Variants in HS6ST2 observed in about 807,000 individuals in gnomAD.
HS6ST2 encodes heparan-sulfate 6-O-sulfotransferase 2.
In HS6ST2, 17 loss-of-function variants were observed where a neutral mutation model predicts 33.0. The ratio of observed to expected loss-of-function variants is 0.52; its 90% CI spans 0.35 to 0.77. HS6ST2 has a LOEUF of 0.77. HS6ST2 is among the 30% of genes least tolerant of loss of function. The pLI is 0.01. For synonymous variants in HS6ST2, 248 were observed against 237.1 expected (o/e 1.05, Z -0.42); for missense variants, 519 against 551.7 (o/e 0.94, Z 0.59).
intron 4 of HS6ST2, among the ~76,000 whole-genome samples, chrX:132,660,699 C>G (rs2063765087): frequency 9.0e-6 from 1 of 111,568 alleles, no homozygotes; most frequent in Non-Finnish European, 1.9e-5. Flanking sequence ...GAGGACGCTT[C>G]CATTGTTCAA....
intron 2 of HS6ST2, among the ~76,000 whole-genome samples, chrX:132,844,711 A>G (rs2065735529): frequency 8.9e-6 from 1 of 111,791 alleles, no homozygotes; most frequent in Non-Finnish European, 1.9e-5. Flanking sequence ...CTGATGGAGC[A>G]TAAACAAGCT....
chrX:132,653,936 C>T (rs1393908530), intron 4 of HS6ST2, among the ~76,000 whole-genome samples: 4 of 111,214 alleles, frequency 3.6e-5, no homozygotes, highest in Non-Finnish European at 3.8e-5. Context: ...TCAGGTCAAA[C>T]TCATAGAAGC....
At chrX:132,647,214 C>A (rs1466792829) in intron 4 of HS6ST2, among the ~76,000 whole-genome samples, 6 of 111,302 alleles carry the variant, frequency 5.4e-5, no homozygotes, top group African/African-American at 2.0e-4. Context: ...TGCATCCCCT[C>A]TTCTTTTTCA....
At chrX:132,939,550 G>A (rs1048250048) in intron 2 of HS6ST2, among the ~76,000 whole-genome samples, 1 of 110,882 alleles carries the variant, frequency 9.0e-6, no homozygotes, top group Non-Finnish European at 1.9e-5. Flanking sequence ...GCTTGAACAT[G>A]GGGGGCAGAG....
chrX:132,864,706 G>A (rs1397617986), intron 2 of HS6ST2, among the ~76,000 whole-genome samples: 2 of 110,380 alleles, frequency 1.8e-5, no homozygotes, highest in Non-Finnish European at 3.8e-5. Context: ...CCAGGAGAAC[G>A]TCCCCGACCT....
At chrX:132,853,594 C>T (rs927701442) in intron 2 of HS6ST2, among the ~76,000 whole-genome samples, 1 of 111,228 alleles carries the variant, frequency 9.0e-6, no homozygotes, top group Non-Finnish European at 1.9e-5. Flanking sequence ...CATTGTTACC[C>T]AGAAACATCA....
intron 2 of HS6ST2, among the ~76,000 whole-genome samples, chrX:132,739,650 G>A (rs1157437409): frequency 9.3e-6 from 1 of 107,256 alleles, no homozygotes; most frequent in Non-Finnish European, 1.9e-5. Context: ...AGGGGGCAGA[G>A]GTTGCAGTGA....
rs200631922 is a variant in HS6ST2 at position 132,668,768 on chromosome X, G to GTGC, written c.1067+342_1067+344dup. On this transcript the variant is annotated intron_variant, in intron 4 of 4. Coordinates refer to ENST00000370833, the MANE Select transcript of HS6ST2 (RefSeq NM_001394073.1). ...CATGGACTTTGTAAGTCATAAATCA[G>GTGC]TGCTGCTGCTGCTGCTGCTTTAATT... 5.4e-3 allele frequency among the ~76,000 whole-genome samples: 599 copies of GTGC among 111,413 alleles called. 6 individuals carry two copies. The highest frequency in any genetic ancestry group is 0.019 in the African/African-American group (571 of 30,678).
intron 2 of HS6ST2, among the ~76,000 whole-genome samples, chrX:132,877,370 T>C (rs5933228): frequency 0.29 from 32,932 of 111,669 alleles, 3,733 homozygotes; most frequent in Non-Finnish European, 0.33. Flanking sequence ...TCTTAAAGGT[T>C]TGCACGTATA....
chrX:132,866,465 C>A (rs1289502714), intron 2 of HS6ST2, among the ~76,000 whole-genome samples: 1 of 86,783 alleles, frequency 1.2e-5, no homozygotes, highest in Non-Finnish European at 2.2e-5. Flanking sequence ...GATGCAGGCT[C>A]TTTTTTGGTT....
chrX:132,733,188 G>A (rs2064475638), intron 2 of HS6ST2, among the ~76,000 whole-genome samples: 1 of 111,647 alleles, frequency 9.0e-6, no homozygotes, highest in Non-Finnish European at 1.9e-5. Context: ...CCTTTAGACA[G>A]CCCTGCAGTT....
At chrX:132,712,973 C>T (rs995398948) in intron 2 of HS6ST2, among the ~76,000 whole-genome samples, 1 of 110,899 alleles carries the variant, frequency 9.0e-6, no homozygotes, top group Non-Finnish European at 1.9e-5. Flanking sequence ...TGCAGTAAGC[C>T]GAGATTATGC....
intron 2 of HS6ST2, among the ~76,000 whole-genome samples, chrX:132,851,711 T>A (rs1328236451): frequency 3.6e-5 from 4 of 111,058 alleles, no homozygotes; most frequent in Non-Finnish European, 7.6e-5. Flanking sequence ...GGGGGGAAAG[T>A]GAAAAAAAAA....
Position 132,796,405 on chromosome X carries a change from T to TA in HS6ST2, c.948-87912dup, listed in dbSNP as rs748314104. Among the ~76,000 whole-genome samples, 4 of 112,444 alleles carry TA rather than the reference T, an allele frequency of 3.6e-5. No homozygotes were observed. In the South Asian group the frequency reaches 1.5e-3, roughly 42 times the overall value. On this transcript the variant is annotated intron_variant, in intron 2 of 4. Transcript: ENST00000370833. The stretch of plus-strand genomic sequence containing the variant: ...CACCATAACTGAGTCTGGCCTAGGG[T>TA]ATGCTCTAAGTACCTACCATATGCT...
chrX:132,649,848 A>T (rs1283954919), intron 4 of HS6ST2, among the ~76,000 whole-genome samples: 1 of 83,427 alleles, frequency 1.2e-5, no homozygotes, highest in African/African-American at 6.4e-5. Flanking sequence ...ACAGAGCGAG[A>T]CTCTATCTAA....
At chrX:132,777,793 CCTTT>C (rs1369275375) in intron 2 of HS6ST2, among the ~76,000 whole-genome samples, 2 of 110,756 alleles carry the variant, frequency 1.8e-5, no homozygotes, top group Non-Finnish European at 3.8e-5. Flanking sequence ...TGCTCCATGT[CCTTT>C]CTTCTTAAGA....
At chrX:132,709,727 C>A (rs1358998287) in intron 2 of HS6ST2, among the ~76,000 whole-genome samples, 1 of 108,426 alleles carries the variant, frequency 9.2e-6, no homozygotes, top group Non-Finnish European at 1.9e-5. Context: ...ATTTAGAGTC[C>A]CTACACAGTG....
intron 3 of HS6ST2, among the ~76,000 whole-genome samples, chrX:132,694,752 G>A (rs904247888): frequency 1.8e-5 from 2 of 111,351 alleles, no homozygotes; most frequent in Admixed American, 1.9e-4. Flanking sequence ...GCTGATGGTG[G>A]CGAGAGGCGG....
In HS6ST2 at chrX:132,958,265, G is replaced by C; in HGVS notation, c.338C>G (p.Ala113Gly). The part of the protein sequence containing the change: ...RRWDLGSLCR[A>G]LLTRGLAALG... ...GGCGGCCAGGCCCCGAGTGAGCAGG[G>C]CCCGGCAGAGGGAGCCCAGGTCCCA... The change falls in exon 1 of 5, where the codon GCC (alanine) becomes GGC (glycine). Residue 113 changes from alanine (A) to glycine (G), a missense_variant. Ala to Gly is a moderately conservative substitution (Grantham distance 60, BLOSUM62 0). Transcript: ENST00000370833. 1.7e-6 allele frequency: 2 copies of C among 1,189,516 alleles called. No individual in the cohort carries two copies. The highest frequency in any genetic ancestry group is 6.0e-5 in the East Asian group (2 of 33,333).
Sources: gnomAD v4.1 joint callset for allele counts (sites outside exome capture counted in the v4.1 genomes callset) on GRCh38, gnomAD v4.1.1 for gene constraint, MANE v1.5 for transcripts, NCBI Gene and HGNC (gene_info 2026-07-23, HGNC 2026-07-21) for gene names.